Variants in SERPINI1 observed in about 807,000 individuals in gnomAD.
SERPINI1 encodes the protein neuroserpin.
Under a neutral mutation model 41.1 loss-of-function variants are expected in SERPINI1, and 19 were observed. That is an observed-to-expected ratio of 0.46 (90% confidence interval 0.32 to 0.68). SERPINI1 has a LOEUF of 0.68. Among genes scored for constraint, SERPINI1 ranks in the 30% least tolerant of loss-of-function variants. The pLI, the probability that SERPINI1 is intolerant of heterozygous loss-of-function variation, is 0.03. For synonymous variants in SERPINI1, 138 were observed against 156.6 expected, an observed-to-expected ratio of 0.88 and a Z score of 0.89; for missense variants, 460 against 479.2, an observed-to-expected ratio of 0.96 and a Z score of 0.37.
At chr3:167,817,559 T>G (rs1712143871) in intron 6 of SERPINI1, among the ~76,000 whole-genome samples, 1 of 151,874 alleles carries the variant, frequency 6.6e-6, no homozygotes, top group Non-Finnish European at 1.5e-5. Context: ...AATATTCTAT[T>G]TTTTTCCTTG....
intron 4 of SERPINI1, among the ~76,000 whole-genome samples, chr3:167,793,588 A>ATT (rs1174484525): frequency 3.8e-5 from 4 of 106,606 alleles, no homozygotes; most frequent in African/African-American, 1.8e-4. Context: ...ATATATATAT[A>ATT]TATATATATT....
chr3:167,739,287 T>C (rs1384169150), intron 1 of SERPINI1, among the ~76,000 whole-genome samples: 1 of 152,204 alleles, frequency 6.6e-6, no homozygotes, highest in African/African-American at 2.4e-5. Flanking sequence ...AGTAACCAGT[T>C]ACTGAATTAG....
intron 1 of SERPINI1, among the ~76,000 whole-genome samples, chr3:167,773,866 T>C (rs576122781): frequency 6.6e-6 from 1 of 152,310 alleles, no homozygotes; most frequent in East Asian, 1.9e-4. Flanking sequence ...CCACAGTCTA[T>C]AGTCCTGAAA....
At chr3:167,818,817 A>C (rs1712215682) in intron 6 of SERPINI1, among the ~76,000 whole-genome samples, 1 of 152,174 alleles carries the variant, frequency 6.6e-6, no homozygotes, top group African/African-American at 2.4e-5. Flanking sequence ...TCTTGTTTCA[A>C]AGTGCCTACT....
At chr3:167,783,298 G>A (rs1426581678) in intron 1 of SERPINI1, among the ~76,000 whole-genome samples, 4 of 151,960 alleles carry the variant, frequency 2.6e-5, no homozygotes, top group Admixed American at 2.6e-4. Context: ...TGAACATGAG[G>A]GAAAAAGAGA....
chr3:167,740,210 T>TA (rs1725633453), intron 1 of SERPINI1, among the ~76,000 whole-genome samples: 1 of 152,116 alleles, frequency 6.6e-6, no homozygotes, highest in Non-Finnish European at 1.5e-5. Context: ...TTTTAACTTT[T>TA]TATAGAGATA....
intron 1 of SERPINI1, among the ~76,000 whole-genome samples, chr3:167,764,852 G>C (rs560420460): frequency 3.5e-4 from 54 of 152,208 alleles, no homozygotes; most frequent in Non-Finnish European, 5.9e-4. Flanking sequence ...CAAAACAAAG[G>C]GGCTAAAGGA....
intron 1 of SERPINI1, among the ~76,000 whole-genome samples, chr3:167,740,139 C>G (rs1280039322): frequency 6.6e-6 from 1 of 151,660 alleles, no homozygotes; most frequent in African/African-American, 2.4e-5. Context: ...CTCAAGCACT[C>G]CTCACACCGC....
intron 1 of SERPINI1, among the ~76,000 whole-genome samples, chr3:167,745,219 A>G (rs1454653363): frequency 3.3e-5 from 5 of 152,024 alleles, no homozygotes; most frequent in Middle Eastern, 3.4e-3. Context: ...AAAGAATTAT[A>G]TACCATGATC....
At chr3:167,796,234 T>C (rs1418353397) in intron 5 of SERPINI1, among the ~76,000 whole-genome samples, 1 of 151,968 alleles carries the variant, frequency 6.6e-6, no homozygotes, top group Non-Finnish European at 1.5e-5. Flanking sequence ...GAAAATTGTT[T>C]TATAATATAT....
intron 6 of SERPINI1, among the ~76,000 whole-genome samples, chr3:167,820,820 G>A (rs781448051): frequency 1.6e-4 from 25 of 152,202 alleles, no homozygotes; most frequent in Admixed American, 9.2e-4. Flanking sequence ...CTGAGGCCTG[G>A]GGTCCAGGCT....
chr3:167,804,897 A>G (rs558814909), intron 5 of SERPINI1, among the ~76,000 whole-genome samples: 64 of 152,258 alleles, frequency 4.2e-4, no homozygotes, highest in Admixed American at 7.8e-4. Context: ...TGTCTTTCAC[A>G]AGAAAGTTTG....
chr3:167,790,574 C>T lies in SERPINI1; in HGVS notation c.453C>T (p.Ile151=), dbSNP rs1727473415. Reference sequence around the variant, plus strand: ...AAAATGTAGCCGTGGCCAACTACATCAATAAGTGGGTGGAGAATAACACAA... The same window carrying T: ...AAAATGTAGCCGTGGCCAACTACATTAATAAGTGGGTGGAGAATAACACAA... ...FSQNVAVANY[I]NKWVENNTNN... is the part of the protein sequence containing the mutation. The change falls in exon 3 of 9, where the codon ATC becomes ATT. Residue 151 remains isoleucine (I), a synonymous_variant. Transcript: ENST00000446050. 1 of 1,613,392 alleles carries T rather than the reference C, an allele frequency of 6.2e-7. No individual in the cohort carries two copies. The highest frequency in any genetic ancestry group is 1.3e-5 in the African/African-American group (1 of 75,044).
rs77292081 is a variant in SERPINI1 at position 167,818,724 on chromosome 3, G to A, written c.980-4262G>A. On this transcript the variant is annotated intron_variant, in intron 6 of 8. Transcript: ENST00000446050. The stretch of plus-strand genomic sequence containing the variant: ...CTACCACCACCATCATTTTGGTGGG[G>A]CAAGTGCGAACAGGCAATAAAGTAG... Among the ~76,000 whole-genome samples the A allele has an allele frequency of 1.2e-3, 188 of 152,224 alleles. 2 individuals carry two copies. The East Asian group carries it at 0.03, about 24-fold the overall frequency.
intron 5 of SERPINI1, among the ~76,000 whole-genome samples, chr3:167,805,443 C>A (rs953682364): frequency 5.3e-5 from 8 of 152,206 alleles, no homozygotes; most frequent in African/African-American, 1.4e-4. Flanking sequence ...GGGTATTAGA[C>A]CTTGTCAGAT....
At chr3:167,759,923 G>A (rs900795183) in intron 1 of SERPINI1, among the ~76,000 whole-genome samples, 1 of 152,262 alleles carries the variant, frequency 6.6e-6, no homozygotes, top group African/African-American at 2.4e-5. Context: ...TATTTCTGTA[G>A]CATTCCAAGA....
At chr3:167,792,378 T>C (rs13060517) in intron 3 of SERPINI1, among the ~76,000 whole-genome samples, 42 of 116,926 alleles carry the variant, frequency 3.6e-4, no homozygotes, top group Middle Eastern at 4.1e-3. Flanking sequence ...TATATATATA[T>C]ACACACACAC....
At chr3:167,776,535 A>G (rs1263663955) in intron 1 of SERPINI1, among the ~76,000 whole-genome samples, 4 of 152,206 alleles carry the variant, frequency 2.6e-5, no homozygotes, top group Admixed American at 2.6e-4. Flanking sequence ...ATCTTAGCTA[A>G]GGACACATGT....
At chr3:167,781,700 C>A (rs1248691085) in intron 1 of SERPINI1, among the ~76,000 whole-genome samples, 6 of 139,596 alleles carry the variant, frequency 4.3e-5, no homozygotes, top group African/African-American at 1.6e-4. Context: ...TCTCAGCTAC[C>A]AAAGGACACT....
Sources: allele counts gnomAD v4.1 joint callset (sites outside exome capture counted in the v4.1 genomes callset), GRCh38; gene constraint gnomAD v4.1.1; transcripts MANE v1.5; gene names NCBI Gene and HGNC (gene_info 2026-07-23, HGNC 2026-07-21).